RBM42: variants seen among roughly 807,000 people sequenced by gnomAD.
RBM42 encodes the protein RNA-binding protein 42.
RBM42 carries 21 observed loss-of-function variants against 41.4 expected under a neutral mutation model. The ratio of observed to expected loss-of-function variants is 0.51; its 90% CI spans 0.36 to 0.73. The LOEUF is 0.73. Among genes scored for constraint, RBM42 ranks in the 30% least tolerant of loss-of-function variants. RBM42 has a pLI of 0.00. For synonymous variants in RBM42, 272 were observed against 271.2 expected (o/e 1.00, Z -0.03); for missense variants, 539 against 680.4 (o/e 0.79, Z 2.31).
At chr19:35,632,068 A>G (rs1275013647) in intron 4 of RBM42, among the ~76,000 whole-genome samples, 1 of 152,194 alleles carries the variant, frequency 6.6e-6, no homozygotes, top group African/African-American at 2.4e-5. Context: ...TATGAAAAGG[A>G]TGCGTGTTCT....
At chr19:35,633,338 G>C in intron 6 of RBM42, 86 bp downstream of exon 6, 1 of 1,086,110 alleles carries the variant, frequency 9.2e-7, no homozygotes, top group Non-Finnish European at 1.3e-6. Context: ...GTCTGAGTTG[G>C]CCTCTCTCCT....
intron 3 of RBM42, 38 bp downstream of exon 3, chr19:35,631,262 C>A: frequency 6.2e-7 from 1 of 1,612,122 alleles, no homozygotes; most frequent in Non-Finnish European, 8.5e-7. Context: ...GTTGGGCAAT[C>A]AGGCAGGGTG....
chr19:35,629,146 C>T lies in RBM42; in HGVS notation c.-8C>T. On this transcript the variant is annotated 5_prime_UTR_variant, in exon 1 of 10. It adds an upstream start codon to the 5' untranslated region. Transcript: ENST00000262633. Reference sequence around the variant, plus strand: ...ACTGTAGTAGCGGCGACAGCGACGACGGCAGCGATGGCTGGGGCGGGGCCA... The same window carrying T: ...ACTGTAGTAGCGGCGACAGCGACGATGGCAGCGATGGCTGGGGCGGGGCCA... 5.3e-6 allele frequency: 8 copies of T among 1,522,468 alleles called. No homozygotes were observed. Among genetic ancestry groups the T allele is most frequent in the African/African-American group, 1.4e-5 (1 of 71,490 alleles). The allele number at this position is 1,522,468 out of a possible 1,614,324, so 94.3% of individuals were successfully genotyped here.
Position 35,637,096 on chromosome 19 carries a change from G to C in RBM42, c.1136-62G>C. 6.7e-7 allele frequency: 1 copy of C among 1,484,858 alleles called. No homozygotes were observed. Among genetic ancestry groups the C allele is most frequent in the African/African-American group, 1.4e-5 (1 of 72,076 alleles). The allele number at this position is 1,484,858 out of a possible 1,614,324, so 92.0% of individuals were successfully genotyped here. On this transcript the variant is annotated intron_variant, in intron 8 of 9. Coordinates refer to ENST00000262633, the MANE Select transcript of RBM42 (RefSeq NM_024321.5). The surrounding 1 kb of genome is among the most constrained non-coding windows in gnomAD (Gnocchi z 7.0). ...ACCTCCGAAAAGGTGGGATCGTTCA[G>C]ACAAGGTAGACACTGGGCAAGGCCT...
Position 35,629,543 on chromosome 19 carries a change from C to T in RBM42, c.152C>T (p.Ala51Val). The change falls in exon 2 of 10, where the codon GCT becomes GTT. Residue 51 changes from alanine to valine, a missense_variant. Physicochemically the swap from Ala to Val is moderately conservative, Grantham distance 64 (BLOSUM62 0). Coordinates refer to ENST00000262633, the MANE Select transcript of RBM42 (RefSeq NM_024321.5). ...AGGTTTGAGCAGGAAGTTCTGGGGG[C>T]TCCAGTACCTGGAATCCCAACTGCT... ...MALFEQEVLG[A>V]PVPGIPTAVP... The T allele has an allele frequency of 1.2e-6, 2 of 1,614,206 alleles. No homozygotes were observed. Among genetic ancestry groups the T allele is most frequent in the Non-Finnish European group, 8.5e-7 (1 of 1,180,022 alleles).
At chr19:35,635,672 G>A (rs1204077064) in intron 8 of RBM42, among the ~76,000 whole-genome samples, 3 of 151,586 alleles carry the variant, frequency 2.0e-5, no homozygotes, top group Non-Finnish European at 2.9e-5. Context: ...AGGCGCGCAC[G>A]ACCATGCTTG....
At chr19:35,634,135 C>T (rs1967455712) in intron 7 of RBM42, 116 bp downstream of exon 7, 4 of 1,535,914 alleles carry the variant, frequency 2.6e-6, no homozygotes, top group Non-Finnish European at 3.5e-6. Flanking sequence ...GAGGCGGACA[C>T]ATGTGCCCCA....
chr19:35,635,339 G>A (rs908509767), intron 8 of RBM42, among the ~76,000 whole-genome samples: 1 of 150,202 alleles, frequency 6.7e-6, no homozygotes, highest in Non-Finnish European at 1.5e-5. Context: ...AAAGAAAAGA[G>A]ATACTTTTTG....
rs1967403353 is a variant in RBM42 at position 35,631,416 on chromosome 19, G to A, written c.442+11G>A. 1 of 1,613,472 alleles carries A rather than the reference G, an allele frequency of 6.2e-7. No homozygotes were observed. The highest frequency in any genetic ancestry group is 1.3e-5 in the African/African-American group (1 of 75,016). On this transcript the variant is annotated intron_variant, in intron 4 of 9. Coordinates refer to ENST00000262633, the MANE Select transcript of RBM42 (RefSeq NM_024321.5). ...TCCTGCGGCGGGCAGGTGAGTCTGGGGCCAGGGACCCCCACATTTAATCAG... is the reference window on the plus strand; with the variant it reads ...TCCTGCGGCGGGCAGGTGAGTCTGGAGCCAGGGACCCCCACATTTAATCAG...
In RBM42 at chr19:35,629,225, C is replaced by T. The variant is rs1394681637; in HGVS notation, c.72C>T (p.Gly24=). The T allele has an allele frequency of 6.5e-7, 1 of 1,537,624 alleles. No individual in the cohort carries two copies. The highest frequency in any genetic ancestry group is 8.7e-7 in the Non-Finnish European group (1 of 1,144,868). Residue 24 remains glycine (G), a synonymous_variant, in exon 1 of 10, where the codon GGC becomes GGT. Coordinates refer to ENST00000262633, the MANE Select transcript of RBM42 (RefSeq NM_024321.5). ...CCGTGGTCCCGGGTCCTGGCGCTGG[C>T]ATCCCGGGCAAAAGCGGCGAGGAAC... ...GGPVVPGPGA[G]IPGKSGEERL...
chr19:35,637,654 A>C lies in RBM42; in HGVS notation c.*100A>C. On this transcript the variant is annotated 3_prime_UTR_variant, in exon 10 of 10. Transcript: ENST00000262633. The surrounding 1 kb of genome is among the most constrained non-coding windows in gnomAD (Gnocchi z 7.0). ...GCTGTCCACCCATCCCCTGCCCCAAAACCAGTTTCAATAAATTTACGTTCA... is the reference window on the plus strand; with the variant it reads ...GCTGTCCACCCATCCCCTGCCCCAACACCAGTTTCAATAAATTTACGTTCA... 1 of 866,518 alleles carries C rather than the reference A, an allele frequency of 1.2e-6. No individual in the cohort carries two copies. Among genetic ancestry groups the C allele is most frequent in the Non-Finnish European group, 1.8e-6 (1 of 552,426 alleles). The allele number at this position is 866,518 out of a possible 1,614,324, so 53.7% of individuals were successfully genotyped here.
intron 6 of RBM42, 24 bp from the exon 7 acceptor site, chr19:35,633,663 C>T (rs568032621): frequency 8.5e-6 from 12 of 1,415,596 alleles, no homozygotes; most frequent in South Asian, 3.3e-5. Flanking sequence ...GCCGGCCCCC[C>T]TCATGCTCTC....
chr19:35,632,990 T>C lies in RBM42; in HGVS notation c.497T>C (p.Leu166Pro). ...CGTCCAGCCTTCGTCCCCCACGTGCTACAGAGAGCAGGTGAGGGGCCAGGG... is the reference window on the plus strand; with the variant it reads ...CGTCCAGCCTTCGTCCCCCACGTGCCACAGAGAGCAGGTGAGGGGCCAGGG... Reference protein sequence around the residue: ...ILRPAFVPHVLQRADSALSSA... With the variant: ...ILRPAFVPHVPQRADSALSSA... The change falls in exon 5 of 10, where the codon CTA becomes CCA. Residue 166 changes from leucine (L) to proline (P), a missense_variant. By Grantham distance (98) the Leu-to-Pro change is moderately conservative. Around this residue, in one of 2 missense-constraint regions of RBM42, gnomAD observed 429 missense variants for 488.9 expected, o/e 0.88. Coordinates refer to ENST00000262633, the MANE Select transcript of RBM42 (RefSeq NM_024321.5). 6.2e-7 allele frequency: 1 copy of C among 1,610,626 alleles called. No individual in the cohort carries two copies. Among genetic ancestry groups the C allele is most frequent in the Non-Finnish European group, 8.5e-7 (1 of 1,177,130 alleles).
intron 2 of RBM42, among the ~76,000 whole-genome samples, chr19:35,630,430 A>T (rs1967386268): frequency 6.6e-6 from 1 of 152,044 alleles, no homozygotes; most frequent in Non-Finnish European, 1.5e-5. Context: ...GGAGATAAGG[A>T]CAGAGAGGTG....
At chr19:35,633,665 C>T in intron 6 of RBM42, 22 bp from the exon 7 acceptor site, 1 of 1,417,858 alleles carries the variant, frequency 7.1e-7, no homozygotes, top group South Asian at 1.6e-5. Flanking sequence ...CGGCCCCCCT[C>T]ATGCTCTCCT....
At chr19:35,631,006 A>G (rs769317305) in intron 2 of RBM42, 134 bp from the exon 3 acceptor site, 2 of 767,574 alleles carry the variant, frequency 2.6e-6, no homozygotes, top group East Asian at 2.5e-5. Flanking sequence ...GAGAAGTGGC[A>G]TTTTAGCTAA....
intron 8 of RBM42, among the ~76,000 whole-genome samples, chr19:35,635,625 A>G (rs1249863918): frequency 6.6e-6 from 1 of 151,376 alleles, no homozygotes; most frequent in African/African-American, 2.4e-5. Flanking sequence ...GGGTCAAGTA[A>G]TTCTCCTGCC....
chr19:35,629,912 T>C (rs1052045091), intron 2 of RBM42, among the ~76,000 whole-genome samples: 3 of 152,248 alleles, frequency 2.0e-5, no homozygotes, highest in African/African-American at 7.2e-5. Context: ...TGTTCTGATA[T>C]ATTTAAAATT....
chr19:35,635,768 C>T (rs745987851), intron 8 of RBM42, among the ~76,000 whole-genome samples: 1 of 152,184 alleles, frequency 6.6e-6, no homozygotes, highest in South Asian at 2.1e-4. Context: ...GATCCGCCTG[C>T]CTCAGCCTTC....
Sources: gnomAD v4.1 joint callset for allele counts (sites outside exome capture counted in the v4.1 genomes callset) on GRCh38, gnomAD v4.1.1 for gene constraint, gnomAD v4.1.1 regional missense constraint, Gnocchi (gnomAD v3.1) non-coding constraint, MANE v1.5 for transcripts, NCBI Gene and HGNC (gene_info 2026-07-23, HGNC 2026-07-21) for gene names.